The following KRT2 variants were observed in gnomAD, a reference collection of about 807,000 sequenced individuals.
The protein encoded by KRT2 is keratin 2.
In KRT2, 37 loss-of-function variants were observed where a neutral mutation model predicts 48.5. That is an observed-to-expected ratio of 0.76 (90% CI 0.59 to 1.00). The LOEUF is 1.00. Among genes scored for constraint, KRT2 ranks in the 50% least tolerant of loss-of-function variants. KRT2 has a pLI of 0.00. For missense variants in KRT2, 880 were observed against 815.2 expected, an observed-to-expected ratio of 1.08 and a Z score of -0.97; for synonymous variants, 324 against 312.2, an observed-to-expected ratio of 1.04 and a Z score of -0.40.
chr12:52,650,048 T>A, intron 2 of KRT2, 74 bp from the exon 3 acceptor site: 1 of 1,071,256 alleles, frequency 9.3e-7, no homozygotes, highest in Non-Finnish European at 1.5e-6. Context: ...TATACTGGAT[T>A]CACCCCAAAT....
At chr12:52,649,636 G>A (rs925619131) in intron 3 of KRT2, among the ~76,000 whole-genome samples, 1 of 152,238 alleles carries the variant, frequency 6.6e-6, no homozygotes, top group Non-Finnish European at 1.5e-5. Context: ...AATACAAAGA[G>A]ATTTTTGTGT....
Position 52,649,942 on chromosome 12 carries a change from G to C in KRT2, c.833C>G (p.Ala278Gly). ...TTTAAGCGTCACAAAATCATTCTCA[G>C]CAGCTGTGCGCTTATTGATTTCATC... ...YEDEINKRTA[A>G]ENDFVTLKKD... is the part of the protein sequence containing the mutation. The change falls in exon 3 of 9, where the codon GCT (alanine) becomes GGT (glycine). Residue 278 changes from alanine to glycine, a missense_variant. Ala to Gly is a moderately conservative substitution (Grantham distance 60). Transcript: ENST00000309680. 3 of 1,613,746 alleles carry C rather than the reference G, an allele frequency of 1.9e-6. No homozygotes were observed. The highest frequency in any genetic ancestry group is 2.5e-6 in the Non-Finnish European group (3 of 1,179,656).
chr12:52,650,085 CT>C, intron 2 of KRT2, 111 bp from the exon 3 acceptor site: 1 of 847,218 alleles, frequency 1.2e-6, no homozygotes, highest in Non-Finnish European at 2.0e-6. Flanking sequence ...ATATTACACA[CT>C]TTTTAAATAT....
intron 7 of KRT2, among the ~76,000 whole-genome samples, chr12:52,646,175 C>G (rs997871550): frequency 6.6e-5 from 10 of 152,340 alleles, no homozygotes; most frequent in Admixed American, 5.2e-4. Context: ...ATTGCTTCAG[C>G]CAGATTAAGT....
intron 5 of KRT2, 128 bp from the exon 6 acceptor site, chr12:52,647,983 A>G: frequency 7.6e-7 from 1 of 1,314,492 alleles, no homozygotes; most frequent in Admixed American, 1.8e-5. Context: ...TCATGGCTGC[A>G]TTCATGAGAG....
chr12:52,646,461 A>G (rs1214260172), intron 7 of KRT2, among the ~76,000 whole-genome samples: 2 of 152,160 alleles, frequency 1.3e-5, no homozygotes, highest in Non-Finnish European at 1.5e-5. Flanking sequence ...CTGTTTTCCC[A>G]TGATTTTGTT....
At chr12:52,650,065 T>G (rs2120951497) in intron 2 of KRT2, 91 bp from the exon 3 acceptor site, 1 of 946,184 alleles carries the variant, frequency 1.1e-6, no homozygotes, top group East Asian at 2.4e-5. Context: ...AAATGCCCCA[T>G]TCTCTGGGAA....
intron 1 of KRT2, 188 bp from the exon 2 acceptor site, chr12:52,650,741 A>G: frequency 1.5e-6 from 1 of 658,854 alleles, no homozygotes; most frequent in South Asian, 1.7e-5. Context: ...ACAGACTCCT[A>G]ATGCTACATC....
At chr12:52,649,144 C>T in intron 3 of KRT2, 42 bp from the exon 4 acceptor site, 1 of 1,214,624 alleles carries the variant, frequency 8.2e-7, no homozygotes, top group Non-Finnish European at 1.2e-6. Context: ...GTTCCCTGTA[C>T]AGGCCTCTTC....
chr12:52,651,921 A>T lies in KRT2; in HGVS notation c.222T>A (p.Ile74=). The T allele has an allele frequency of 1.2e-6, 2 of 1,613,870 alleles. No individual in the cohort carries two copies. Among genetic ancestry groups the T allele is most frequent in the African/African-American group, 1.3e-5 (1 of 74,940 alleles). The change falls in exon 1 of 9, where the codon ATT becomes ATA. Residue 74 remains isoleucine (I), a synonymous_variant. Coordinates refer to ENST00000309680, the MANE Select transcript of KRT2 (RefSeq NM_000423.3). ...AGCCACCACCTCCTCCAGCCACACT[A>T]ATGGAGATGCTCTTGGTCCCTCCAA... ...VGLGGTKSIS[I]SVAGGGGGFG... is the part of the protein sequence containing the mutation.
chr12:52,652,144 A>T lies in KRT2; in HGVS notation c.-2T>A, dbSNP rs1411441822. Reference sequence around the variant, plus strand: ...TTTGCAAGAGATCTGACAACTCATGATGCCTTTGTCCAGGGAGGAAAGTCA... The same window carrying T: ...TTTGCAAGAGATCTGACAACTCATGTTGCCTTTGTCCAGGGAGGAAAGTCA... On this transcript the variant is annotated 5_prime_UTR_variant, in exon 1 of 9. Coordinates refer to ENST00000309680, the MANE Select transcript of KRT2 (RefSeq NM_000423.3). 1 of 1,538,330 alleles carries T rather than the reference A, an allele frequency of 6.5e-7. No homozygotes were observed. Among genetic ancestry groups the T allele is most frequent in the Non-Finnish European group, 8.7e-7 (1 of 1,146,148 alleles).
chr12:52,646,904 G>A lies in KRT2; in HGVS notation c.1305C>T (p.Leu435=). The A allele has an allele frequency of 6.2e-7, 1 of 1,614,202 alleles. No individual in the cohort carries two copies. The highest frequency in any genetic ancestry group is 2.2e-5 in the East Asian group (1 of 44,882). The change falls in exon 7 of 9, where the codon CTC becomes CTT. Residue 435 remains leucine, a synonymous_variant. Transcript: ENST00000309680. ...ADAEQRGEHA[L]KDARNKLNDL... ...CATTCAACTTGTTCCTGGCATCCTT[G>A]AGGGCATGCTCCCCACGCTGCTCGG...
At chr12:52,650,951 G>A (rs761122340) in intron 1 of KRT2, among the ~76,000 whole-genome samples, 5 of 152,178 alleles carry the variant, frequency 3.3e-5, no homozygotes, top group Non-Finnish European at 5.9e-5. Flanking sequence ...GAGTCCCAGA[G>A]GGCAGGGCTC....
In KRT2 at chr12:52,651,799, C is replaced by T. The variant is rs1214663922; in HGVS notation, c.344G>A (p.Gly115Glu). 3.1e-6 allele frequency: 5 copies of T among 1,606,700 alleles called. No individual in the cohort carries two copies. The South Asian group carries it at 5.5e-5, about 18-fold the overall frequency. Reference protein sequence around the residue: ...GSGFSGGGFGGGGFGGGRFGG... With the variant: ...GSGFSGGGFGEGGFGGGRFGG... Reference sequence around the variant, plus strand: ...AAAGCGGCCTCCACCAAAGCCGCCTCCACCGAAACCACCACCACTGAAGCC... The same window carrying T: ...AAAGCGGCCTCCACCAAAGCCGCCTTCACCGAAACCACCACCACTGAAGCC... Residue 115 changes from glycine (G) to glutamate (E), a missense_variant, in exon 1 of 9, where the codon GGA (glycine) becomes GAA (glutamate). Physicochemically the swap from Gly to Glu is moderately conservative, Grantham distance 98. Coordinates refer to ENST00000309680, the MANE Select transcript of KRT2 (RefSeq NM_000423.3).
At chr12:52,648,408 C>G in intron 4 of KRT2, 71 bp from the exon 5 acceptor site, 1 of 1,330,456 alleles carries the variant, frequency 7.5e-7, no homozygotes, top group Admixed American at 1.7e-5. Flanking sequence ...CCTCTGTCTC[C>G]CAGCATAAGG....
At chr12:52,651,079 A>G (rs966734003) in intron 1 of KRT2, among the ~76,000 whole-genome samples, 1 of 152,212 alleles carries the variant, frequency 6.6e-6, no homozygotes, top group Admixed American at 6.5e-5. Flanking sequence ...AGTGACACCA[A>G]TAAAGACTTT....
In KRT2 at chr12:52,647,816, T is replaced by A. The variant is rs776989966; in HGVS notation, c.1162A>T (p.Ser388Cys). 1.2e-6 allele frequency: 2 copies of A among 1,614,146 alleles called. No individual in the cohort carries two copies. Among genetic ancestry groups the A allele is most frequent in the Non-Finnish European group, 1.7e-6 (2 of 1,180,004 alleles). Residue 388 changes from serine to cysteine, a missense_variant, in exon 6 of 9, where the codon AGC (serine) becomes TGC (cysteine). Ser to Cys is a moderately radical substitution (Grantham distance 112, BLOSUM62 -1). Coordinates refer to ENST00000309680, the MANE Select transcript of KRT2 (RefSeq NM_000423.3). ...LQVTVGRHGDSLKEIKIEISE... is the reference protein window; with the variant it reads ...LQVTVGRHGDCLKEIKIEISE... The stretch of plus-strand genomic sequence containing the variant: ...ATCTCTATCTTGATCTCTTTCAGGC[T>A]GTCTCCATGTCTCCCGACAGTCACC...
rs764727387 is a variant in KRT2 at position 52,650,473 on chromosome 12, G to A, written c.666C>T (p.Pro222=). Residue 222 remains proline (P), a synonymous_variant, in exon 2 of 9, where the codon CCC becomes CCT. Transcript: ENST00000309680. ...CCTGGAAGATGGGCTCCAGGTTGAT[G>A]GGGCGGGTGCCAACATTCATTTGTT... ...LLQQMNVGTR[P]INLEPIFQGY... is the part of the protein sequence containing the mutation. 6.2e-7 allele frequency: 1 copy of A among 1,613,980 alleles called. No homozygotes were observed. The highest frequency in any genetic ancestry group is 1.1e-5 in the South Asian group (1 of 91,072).
chr12:52,644,708 A>G lies in KRT2; in HGVS notation c.*311T>C. ...ATCCCTGGATGGGCCTGGGTCCTCAACAGAATACACATCTGGAAAATGGGC... is the reference window on the plus strand; with the variant it reads ...ATCCCTGGATGGGCCTGGGTCCTCAGCAGAATACACATCTGGAAAATGGGC... On this transcript the variant is annotated 3_prime_UTR_variant, in exon 9 of 9. Coordinates refer to ENST00000309680, the MANE Select transcript of KRT2 (RefSeq NM_000423.3). The G allele has an allele frequency of 6.9e-6, 3 of 434,706 alleles. No individual in the cohort carries two copies. Among genetic ancestry groups the G allele is most frequent in the South Asian group, 6.8e-5 (3 of 44,140 alleles). 26.9% of individuals were successfully genotyped at this position (434,706 alleles called of 1,614,324 possible).
Sources: allele counts gnomAD v4.1 joint callset (sites outside exome capture counted in the v4.1 genomes callset), GRCh38; gene constraint gnomAD v4.1.1; transcripts MANE v1.5; gene names NCBI Gene and HGNC (gene_info 2026-07-23, HGNC 2026-07-21).